Variants in PPARG observed in about 807,000 individuals in gnomAD.
PPARG encodes peroxisome proliferator activated receptor gamma, also known as peroxisome proliferator-activated receptor gamma.
A neutral mutation model predicts 39.2 loss-of-function variants in PPARG; 17 were observed. The observed-to-expected ratio is 0.43, with a 90% CI of 0.30 to 0.65. The LOEUF (loss-of-function observed/expected upper bound fraction) is 0.65, where lower values mean the gene tolerates loss of function less well. Among genes scored for constraint, PPARG ranks in the 30% least tolerant of loss-of-function variants. The pLI, the probability that PPARG is intolerant of heterozygous loss-of-function variation, is 0.13. For missense variants in PPARG, 406 were observed against 585.9 expected (o/e 0.69, Z 3.17); for synonymous variants, 223 against 215.7 (o/e 1.03, Z -0.30).
At chr3:12,322,976 A>AT (rs201298614) in intron 2 of PPARG, among the ~76,000 whole-genome samples, 7 of 150,236 alleles carry the variant, frequency 4.7e-5, no homozygotes, top group South Asian at 2.1e-4. Context: ...TAATTTTTGT[A>AT]TTTTTTTTTA....
chr3:12,359,874 A>G (rs2048785496), intron 2 of PPARG, among the ~76,000 whole-genome samples: 1 of 151,822 alleles, frequency 6.6e-6, no homozygotes, highest in Admixed American at 6.6e-5. Flanking sequence ...GGGTTTCACC[A>G]TGTTGGCAGG....
At chr3:12,299,324 G>A (rs1328224497) in intron 1 of PPARG, among the ~76,000 whole-genome samples, 1 of 152,090 alleles carries the variant, frequency 6.6e-6, no homozygotes, top group Non-Finnish European at 1.5e-5. Context: ...CTAAGAGGGG[G>A]TGAATGGGCC....
chr3:12,381,308 G>T lies in PPARG; in HGVS notation c.221-14G>T. 6.2e-7 allele frequency: 1 copy of T among 1,611,978 alleles called. No homozygotes were observed. Among genetic ancestry groups the T allele is most frequent in the Non-Finnish European group, 8.5e-7 (1 of 1,178,984 alleles). ...TCATGGGATAATTATCCTCTCACAT[G>T]TCTCCATACACAGGTGCAATCAAAG... On this transcript the variant is annotated splice_polypyrimidine_tract_variant and intron_variant, in intron 3 of 7. Coordinates refer to ENST00000651735, the MANE Select transcript of PPARG (RefSeq NM_138711.6).
intron 5 of PPARG, among the ~76,000 whole-genome samples, chr3:12,397,587 T>C (rs1192643906): frequency 1.3e-5 from 2 of 151,692 alleles, no homozygotes; most frequent in African/African-American, 4.8e-5. Flanking sequence ...ATTTTTTGTA[T>C]TTTTAGTAGA....
At chr3:12,297,395 G>C (rs913100958) in intron 1 of PPARG, among the ~76,000 whole-genome samples, 1 of 151,938 alleles carries the variant, frequency 6.6e-6, no homozygotes, top group Non-Finnish European at 1.5e-5. Flanking sequence ...CTTTTTGTTT[G>C]TTTTTATATT....
chr3:12,319,746 A>G (rs953439923), intron 2 of PPARG, among the ~76,000 whole-genome samples: 2 of 151,958 alleles, frequency 1.3e-5, no homozygotes, highest in African/African-American at 4.8e-5. Context: ...TGTTCCAGGG[A>G]AATTCACTGC....
At chr3:12,334,108 A>T (rs2047941250) in intron 2 of PPARG, among the ~76,000 whole-genome samples, 1 of 152,156 alleles carries the variant, frequency 6.6e-6, no homozygotes, top group Non-Finnish European at 1.5e-5. Context: ...GTTCCTTAAG[A>T]GCAGGCTTAT....
chr3:12,290,184 G>T (rs980152613), intron 1 of PPARG, among the ~76,000 whole-genome samples: 1 of 151,542 alleles, frequency 6.6e-6, no homozygotes, highest in Admixed American at 6.6e-5. Context: ...ACTAATGATG[G>T]TTTTTTTTAA....
At chr3:12,341,950 C>T (rs1163274417) in intron 2 of PPARG, among the ~76,000 whole-genome samples, 4 of 152,134 alleles carry the variant, frequency 2.6e-5, no homozygotes. Context: ...TGAAACTGAA[C>T]ATCCTTGTAA....
intron 2 of PPARG, among the ~76,000 whole-genome samples, chr3:12,369,701 C>T (rs1575069655): frequency 6.6e-6 from 1 of 152,122 alleles, no homozygotes; most frequent in Non-Finnish European, 1.5e-5. Context: ...ATTGTAGTAA[C>T]TGAAAGTGCT....
chr3:12,347,426 G>A (rs1005908147), intron 2 of PPARG, among the ~76,000 whole-genome samples: 1 of 152,138 alleles, frequency 6.6e-6, no homozygotes, highest in African/African-American at 2.4e-5. Flanking sequence ...TGATGGTTGT[G>A]GTGAAATTTA....
chr3:12,426,649 G>T (rs964971610), intron 7 of PPARG, among the ~76,000 whole-genome samples: 3 of 152,126 alleles, frequency 2.0e-5, no homozygotes, highest in South Asian at 2.1e-4. Flanking sequence ...TCAGAGAAAT[G>T]AGAGGAAAAG....
chr3:12,351,414 C>T (rs2048482535), intron 2 of PPARG: 6 of 646,846 alleles, frequency 9.3e-6, no homozygotes, highest in Non-Finnish European at 1.7e-5. Flanking sequence ...CCAATTCAAG[C>T]CCAGTCCTTT....
chr3:12,410,630 A>G (rs1034840195), intron 6 of PPARG, among the ~76,000 whole-genome samples: 6 of 152,232 alleles, frequency 3.9e-5, no homozygotes, highest in African/African-American at 1.4e-4. Flanking sequence ...GAGTCACTGT[A>G]TTTATAATTA....
chr3:12,419,505 C>T (rs1179899345), intron 7 of PPARG, among the ~76,000 whole-genome samples: 15 of 152,054 alleles, frequency 9.9e-5, no homozygotes, highest in Admixed American at 5.2e-4. Context: ...GATGGAGTCT[C>T]GTTCTGTCTT....
chr3:12,391,318 C>T (rs2050069430), intron 4 of PPARG, among the ~76,000 whole-genome samples: 1 of 151,894 alleles, frequency 6.6e-6, no homozygotes, highest in African/African-American at 2.4e-5. Context: ...GTCATAAGTG[C>T]TATTGGAAAG....
chr3:12,312,653 T>C (rs2047279917), intron 2 of PPARG, among the ~76,000 whole-genome samples, 200 bp downstream of exon 2: 2 of 152,188 alleles, frequency 1.3e-5, no homozygotes, highest in Admixed American at 6.5e-5. Context: ...AAAGGTAAGA[T>C]AGGAAAATGA....
In PPARG at chr3:12,339,829, C is replaced by A. The variant is rs191296212; in HGVS notation, c.-9+27376C>A. ...GAATCTCTACCTCCTAATGATTCCCCCTCCCTCAAATACTCTAACAAAGCC... is the reference window on the plus strand; with the variant it reads ...GAATCTCTACCTCCTAATGATTCCCACTCCCTCAAATACTCTAACAAAGCC... On this transcript the variant is annotated intron_variant, in intron 2 of 7. Transcript: ENST00000651735. Among the ~76,000 whole-genome samples the A allele has an allele frequency of 5.4e-3, 815 of 152,274 alleles. 3 individuals are homozygous for A. Among genetic ancestry groups the A allele is most frequent in the African/African-American group, 0.018 (768 of 41,556 alleles).
intron 1 of PPARG, among the ~76,000 whole-genome samples, chr3:12,300,809 G>A (rs1476414029): frequency 6.6e-6 from 1 of 152,012 alleles, no homozygotes; most frequent in Non-Finnish European, 1.5e-5. Context: ...GTTCCTAGAG[G>A]GTAAGAATGT....
Sources: allele counts gnomAD v4.1 joint callset (sites outside exome capture counted in the v4.1 genomes callset), GRCh38; gene constraint gnomAD v4.1.1; transcripts MANE v1.5; gene names NCBI Gene and HGNC (gene_info 2026-07-23, HGNC 2026-07-21).